Variants in DRC11 observed in about 807,000 individuals in gnomAD.
DRC11 encodes the protein dynein regulatory complex subunit 11.
At chr2:236,443,523 G>A in the DRC11 span, among the ~76,000 whole-genome samples, 2 of 152,138 alleles carry the variant, frequency 1.3e-5, no homozygotes, top group Admixed American at 6.5e-5. This position sits in a 1 kb window ranked among gnomAD's most constrained non-coding sequence, Gnocchi z 4.4. Context: ...TGAGGATAAC[G>A]GCTTCCAGCT....
chr2:236,378,705 C>T, the DRC11 span, among the ~76,000 whole-genome samples: 20 of 151,748 alleles, frequency 1.3e-4, no homozygotes, highest in African/African-American at 4.6e-4. Context: ...TAGAAGACAC[C>T]GTGGCACAGT....
chr2:236,335,603 A>C, the DRC11 span, among the ~76,000 whole-genome samples: 3 of 152,208 alleles, frequency 2.0e-5, no homozygotes, highest in Non-Finnish European at 4.4e-5. The surrounding 1 kb of genome is among the most constrained non-coding windows in gnomAD (Gnocchi z 5.6). Context: ...AAAATTGCTG[A>C]CCATCCATCA....
chr2:236,455,152 C>T, the DRC11 span: 11 of 152,368 alleles, frequency 7.2e-5, no homozygotes, highest in East Asian at 1.3e-3. This position sits in a 1 kb window ranked among gnomAD's most constrained non-coding sequence, Gnocchi z 5.7. Flanking sequence ...CATCTGTTTC[C>T]AACAAAATGA....
chr2:236,433,850 G>A, the DRC11 span, among the ~76,000 whole-genome samples: 1 of 152,134 alleles, frequency 6.6e-6, no homozygotes, highest in South Asian at 2.1e-4. Context: ...TAGTGGAAAT[G>A]TTTCTAGTGA....
chr2:236,504,660 C>A, the DRC11 span, among the ~76,000 whole-genome samples: 1 of 152,034 alleles, frequency 6.6e-6, no homozygotes, highest in Non-Finnish European at 1.5e-5. The surrounding 1 kb of genome is among the most constrained non-coding windows in gnomAD (Gnocchi z 5.0). Flanking sequence ...CGACCCAAAT[C>A]TCATCTTAAA....
the DRC11 span, among the ~76,000 whole-genome samples, chr2:236,484,600 C>CTTTTTT: frequency 7.3e-6 from 1 of 137,500 alleles, no homozygotes; most frequent in African/African-American, 2.7e-5. Flanking sequence ...ATATTCTTGG[C>CTTTTTT]TTTTTTTTTT....
chr2:236,382,248 G>T, the DRC11 span, among the ~76,000 whole-genome samples: 1 of 152,134 alleles, frequency 6.6e-6, no homozygotes, highest in African/African-American at 2.4e-5. Flanking sequence ...CAAAAGTCAG[G>T]TAGGCATGTT....
the DRC11 span, among the ~76,000 whole-genome samples, chr2:236,488,716 G>C: frequency 2.0e-5 from 3 of 152,190 alleles, no homozygotes; most frequent in Non-Finnish European, 4.4e-5. Context: ...AAGTCTTCCA[G>C]TGTCTATAAA....
the DRC11 span, among the ~76,000 whole-genome samples, chr2:236,322,915 T>C: frequency 6.6e-6 from 1 of 152,240 alleles, no homozygotes; most frequent in Admixed American, 6.5e-5. Flanking sequence ...TACTGGCAGA[T>C]CACAGATCTA....
the DRC11 span, chr2:236,363,802 A>G: frequency 6.2e-7 from 1 of 1,613,754 alleles, no homozygotes. The surrounding 1 kb of genome is among the most constrained non-coding windows in gnomAD (Gnocchi z 5.6). Flanking sequence ...ATGCAGCATC[A>G]TTTGGAGGCC....
chr2:236,466,086 TTTC>T, the DRC11 span, among the ~76,000 whole-genome samples: 5 of 152,140 alleles, frequency 3.3e-5, no homozygotes, highest in Non-Finnish European at 7.4e-5. Context: ...TCTAACACAC[TTTC>T]TTGTTTTTTT....
chr2:236,336,946 T>C, the DRC11 span, among the ~76,000 whole-genome samples: 1 of 152,272 alleles, frequency 6.6e-6, no homozygotes, highest in South Asian at 2.1e-4. The surrounding 1 kb of genome is among the most constrained non-coding windows in gnomAD (Gnocchi z 7.3). Context: ...AAGAATCCTT[T>C]CAGCTACTGC....
the DRC11 span, among the ~76,000 whole-genome samples, chr2:236,307,954 C>T: frequency 2.7e-5 from 4 of 146,008 alleles, no homozygotes; most frequent in Admixed American, 6.7e-5. This position sits in a 1 kb window ranked among gnomAD's most constrained non-coding sequence, Gnocchi z 7.0. Context: ...GTGACACAAG[C>T]GTCCTCGTGT....
the DRC11 span, among the ~76,000 whole-genome samples, chr2:236,358,795 G>A: frequency 6.7e-6 from 1 of 148,964 alleles, no homozygotes; most frequent in Non-Finnish European, 1.5e-5. Context: ...GAGAACCAGA[G>A]GTCTGACCTC....
At chr2:236,497,070 A>G in the DRC11 span, 1 of 985,574 alleles carries the variant, frequency 1.0e-6, no homozygotes, top group East Asian at 2.6e-5. This position sits in a 1 kb window ranked among gnomAD's most constrained non-coding sequence, Gnocchi z 5.1. Flanking sequence ...AAACACGGAC[A>G]GGAAGTCTGT....
chr2:236,448,671 G>C, the DRC11 span, among the ~76,000 whole-genome samples: 2 of 152,020 alleles, frequency 1.3e-5, no homozygotes, highest in South Asian at 4.2e-4. The surrounding 1 kb of genome is among the most constrained non-coding windows in gnomAD (Gnocchi z 5.3). Context: ...CAAGGACACA[G>C]GCTCTGAGGA....
chr2:236,370,960 A>G, the DRC11 span, among the ~76,000 whole-genome samples: 1 of 152,128 alleles, frequency 6.6e-6, no homozygotes, highest in African/African-American at 2.4e-5. The surrounding 1 kb of genome is among the most constrained non-coding windows in gnomAD (Gnocchi z 5.5). Context: ...TGAGATTCTA[A>G]TGACTGTTGG....
chr2:236,499,266 C>T, the DRC11 span, among the ~76,000 whole-genome samples: 6 of 152,158 alleles, frequency 3.9e-5, no homozygotes, highest in African/African-American at 1.4e-4. The surrounding 1 kb of genome is among the most constrained non-coding windows in gnomAD (Gnocchi z 4.7). Context: ...GATCTGCAAG[C>T]AGTCCTCCAA....
the DRC11 span, among the ~76,000 whole-genome samples, chr2:236,490,947 T>C: frequency 6.8e-6 from 1 of 147,856 alleles, no homozygotes; most frequent in African/African-American, 2.5e-5. The surrounding 1 kb of genome is among the most constrained non-coding windows in gnomAD (Gnocchi z 5.5). Flanking sequence ...TGAGTGTGTA[T>C]ATATATGTGT....
Sources: allele counts gnomAD v4.1 joint callset (sites outside exome capture counted in the v4.1 genomes callset), GRCh38; gene constraint gnomAD v4.1.1; non-coding constraint Gnocchi (gnomAD v3.1); transcripts MANE v1.5; gene names NCBI Gene and HGNC (gene_info 2026-07-23, HGNC 2026-07-21).